Variants in HDX observed in about 807,000 individuals in gnomAD.
HDX encodes highly divergent homeobox.
In HDX, 19 loss-of-function variants were observed where a neutral mutation model predicts 45.2. The observed-to-expected ratio is 0.42, with a 90% CI of 0.29 to 0.62. The LOEUF is 0.62. Among genes scored for constraint, HDX ranks in the 20% least tolerant of loss-of-function variants. The pLI, the probability that HDX is intolerant of heterozygous loss-of-function variation, is 0.20. For synonymous variants in HDX, 188 were observed against 172.8 expected (o/e 1.09, Z -0.69); for missense variants, 532 against 493.9 (o/e 1.08, Z -0.73).
intron 5 of HDX, among the ~76,000 whole-genome samples, chrX:84,391,514 T>G (rs1376026320): frequency 5.7e-5 from 6 of 104,383 alleles, no homozygotes; most frequent in African/African-American, 2.1e-4. Context: ...GTTTTTTTTT[T>G]GACAAATTTC....
chrX:84,495,892 A>G (rs1476080299), intron 1 of HDX, among the ~76,000 whole-genome samples: 1 of 111,735 alleles, frequency 8.9e-6, no homozygotes, highest in African/African-American at 3.3e-5. Context: ...TTCTGGAACC[A>G]TAAGATAATA....
chrX:84,486,664 T>C (rs936828765), intron 2 of HDX, among the ~76,000 whole-genome samples: 1 of 111,041 alleles, frequency 9.0e-6, no homozygotes, highest in Non-Finnish European at 1.9e-5. Flanking sequence ...AAGATGTTTT[T>C]CCACTGTTTT....
intron 6 of HDX, among the ~76,000 whole-genome samples, chrX:84,344,679 G>A (rs1338844842): frequency 9.0e-6 from 1 of 110,749 alleles, no homozygotes; most frequent in Non-Finnish European, 1.9e-5. Flanking sequence ...AATTGTACCT[G>A]GTTATGGGGT....
intron 4 of HDX, among the ~76,000 whole-genome samples, chrX:84,467,252 G>T (rs189972621): frequency 9.0e-6 from 1 of 111,417 alleles, no homozygotes; most frequent in East Asian, 2.8e-4. Flanking sequence ...GGAGCTAAAA[G>T]AAGATGGTTC....
At chrX:84,471,494 A>G (rs2148145281) in intron 3 of HDX, among the ~76,000 whole-genome samples, 1 of 107,763 alleles carries the variant, frequency 9.3e-6, no homozygotes, top group East Asian at 2.9e-4. Context: ...TGTGTAAATG[A>G]AGAAACTGAG....
intron 5 of HDX, among the ~76,000 whole-genome samples, chrX:84,379,374 C>T (rs1342415330): frequency 9.0e-6 from 1 of 110,554 alleles, no homozygotes; most frequent in Non-Finnish European, 1.9e-5. Context: ...CTGCACTATA[C>T]ACCAAATGGG....
chrX:84,371,133 G>T (rs949093828), intron 5 of HDX, among the ~76,000 whole-genome samples: 4 of 111,811 alleles, frequency 3.6e-5, no homozygotes, highest in African/African-American at 1.3e-4. Flanking sequence ...ACAAATAGAA[G>T]CTGAAAATTT....
chrX:84,457,636 A>G (rs1300023076), intron 4 of HDX, among the ~76,000 whole-genome samples: 2 of 111,746 alleles, frequency 1.8e-5, no homozygotes, highest in Non-Finnish European at 3.8e-5. Context: ...AATTAATACT[A>G]TGTGCTCTCT....
At chrX:84,422,019 A>C (rs865947167) in intron 5 of HDX, among the ~76,000 whole-genome samples, 140 of 110,608 alleles carry the variant, frequency 1.3e-3, no homozygotes, top group Middle Eastern at 9.4e-3. Flanking sequence ...AACCAACAAA[A>C]AAAAAAAAAG....
intron 5 of HDX, among the ~76,000 whole-genome samples, chrX:84,420,221 G>A (rs1028110595): frequency 3.6e-5 from 4 of 111,997 alleles, no homozygotes; most frequent in Non-Finnish European, 5.6e-5. Flanking sequence ...TAAAACACTC[G>A]TGTTAACTAA....
chrX:84,369,607 T>C (rs893003967), intron 5 of HDX, among the ~76,000 whole-genome samples: 1 of 112,196 alleles, frequency 8.9e-6, no homozygotes, highest in African/African-American at 3.2e-5. Flanking sequence ...GTGCGTGTTT[T>C]TGCACCTCTG....
At chrX:84,477,965 A>G (rs2040591182) in intron 2 of HDX, among the ~76,000 whole-genome samples, 1 of 111,211 alleles carries the variant, frequency 9.0e-6, no homozygotes, top group African/African-American at 3.3e-5. Context: ...GAATAAGACA[A>G]CCTCGGTTTA....
intron 2 of HDX, among the ~76,000 whole-genome samples, chrX:84,482,504 C>A (rs1232837062): frequency 3.6e-5 from 4 of 111,266 alleles, no homozygotes; most frequent in Non-Finnish European, 7.5e-5. Context: ...AAAGTGGAAG[C>A]CCCTTATAAA....
At chrX:84,346,831 A>C (rs2037217257) in intron 6 of HDX, among the ~76,000 whole-genome samples, 1 of 111,765 alleles carries the variant, frequency 8.9e-6, no homozygotes, top group South Asian at 3.7e-4. Flanking sequence ...GGATTAGTGA[A>C]GAATTCTTAG....
chrX:84,467,623 CAA>C (rs576047136), intron 4 of HDX, among the ~76,000 whole-genome samples: 71 of 64,531 alleles, frequency 1.1e-3, no homozygotes, highest in South Asian at 2.3e-3. Flanking sequence ...AAGACTCCGT[CAA>C]AAAAAAAAAA....
chrX:84,386,732 T>A (rs188439370), intron 5 of HDX, among the ~76,000 whole-genome samples: 1 of 111,962 alleles, frequency 8.9e-6, no homozygotes, highest in Admixed American at 9.5e-5. Flanking sequence ...TTATTTGGAT[T>A]TTTTCTGTGT....
intron 2 of HDX, among the ~76,000 whole-genome samples, chrX:84,480,197 G>A (rs2040647949): frequency 9.0e-6 from 1 of 111,437 alleles, no homozygotes; most frequent in Admixed American, 9.6e-5. Flanking sequence ...TTGGTACATT[G>A]AAGTTGTATT....
chrX:84,431,422 G>T (rs1234014847), intron 5 of HDX, among the ~76,000 whole-genome samples: 1 of 110,780 alleles, frequency 9.0e-6, no homozygotes, highest in Non-Finnish European at 1.9e-5. Flanking sequence ...TTTAGAAATC[G>T]CCAAAGTGCT....
chrX:84,321,651 A>AT lies in HDX; in HGVS notation c.*237dup, dbSNP rs746708368. The AT allele has an allele frequency of 2.7e-4, 57 of 209,012 alleles. 1 individual carries two copies. Among genetic ancestry groups the AT allele is most frequent in the Middle Eastern group, 1.6e-3 (1 of 628 alleles). 17.2% of individuals were successfully genotyped at this position (209,012 alleles called of 1,213,427 possible). ...GTTAAACTGCTGAAACTTAAATATA[A>AT]TTTTTTTCCAGAGTTCCATCAGTTA... On this transcript the variant is annotated 3_prime_UTR_variant, in exon 11 of 11. Coordinates refer to ENST00000373177, the MANE Select transcript of HDX (RefSeq NM_001177479.2).
Sources: allele counts gnomAD v4.1 joint callset (sites outside exome capture counted in the v4.1 genomes callset), GRCh38; gene constraint gnomAD v4.1.1; transcripts MANE v1.5; gene names NCBI Gene and HGNC (gene_info 2026-07-23, HGNC 2026-07-21).